SBNO1: variants seen among roughly 807,000 people sequenced by gnomAD.
SBNO1 encodes the protein protein strawberry notch homolog 1.
SBNO1 carries 23 observed loss-of-function variants against 173.6 expected under a neutral mutation model. The ratio of observed to expected loss-of-function variants is 0.13; its 90% confidence interval spans 0.10 to 0.19. The LOEUF is 0.19. Among genes scored for constraint, SBNO1 ranks in the 10% least tolerant of loss-of-function variants. SBNO1 has a pLI of 1.00. For synonymous variants in SBNO1, 632 were observed against 571.5 expected, an observed-to-expected ratio of 1.11 and a Z score of -1.51; for missense variants, 1,238 against 1,671.2, an observed-to-expected ratio of 0.74 and a Z score of 4.52.
In SBNO1 at chr12:123,322,005, GGAC is replaced by G. The variant is rs774256055; in HGVS notation, c.2126-276_2126-274del. 1.7e-4 allele frequency among the ~76,000 whole-genome samples: 26 copies of G among 152,232 alleles called. No homozygotes were observed. The East Asian group carries it at 3.7e-3, about 21-fold the overall frequency. ...GTGCACAAGTTTCAAAACATATTCA[GGAC>G]AACAGAGTAAAAGCAGAACCTCTGG... On this transcript the variant is annotated intron_variant, in intron 16 of 31. Transcript: ENST00000602398.
chr12:123,350,546 T>G (rs1873752211), intron 1 of SBNO1, 105 bp from the exon 2 acceptor site: 1 of 912,910 alleles, frequency 1.1e-6, no homozygotes, highest in East Asian at 2.4e-5. Flanking sequence ...ACCCATTCAT[T>G]CAGTATTAAT....
chr12:123,338,920 C>CCA (rs1453834156), intron 5 of SBNO1, among the ~76,000 whole-genome samples: 48 of 19,276 alleles, frequency 2.5e-3, no homozygotes, highest in Non-Finnish European at 0.011. Context: ...ACGCCCCCCC[C>CCA]CCCCTCCCCG....
At chr12:123,307,874 C>T (rs527824954) in intron 28 of SBNO1, among the ~76,000 whole-genome samples, 1 of 152,096 alleles carries the variant, frequency 6.6e-6, no homozygotes, top group Non-Finnish European at 1.5e-5. Context: ...GAGATCGAGG[C>T]CATCCTGGCT....
At chr12:123,313,488 A>G (rs890625423) in intron 24 of SBNO1, 132 bp downstream of exon 24, 6 of 559,128 alleles carry the variant, frequency 1.1e-5, no homozygotes, top group Non-Finnish European at 1.9e-5. Context: ...TGTCCTAGTA[A>G]CCATTAATTT....
chr12:123,307,003 T>A (rs1433934856), intron 28 of SBNO1, among the ~76,000 whole-genome samples: 1 of 115,206 alleles, frequency 8.7e-6, no homozygotes, highest in Non-Finnish European at 1.7e-5. Flanking sequence ...GACAACACAG[T>A]GAGACATCAA....
chr12:123,331,457 G>C, intron 7 of SBNO1, 82 bp from the exon 8 acceptor site: 1 of 1,157,800 alleles, frequency 8.6e-7, no homozygotes, highest in Non-Finnish European at 1.2e-6. Flanking sequence ...TTAGGAGTAG[G>C]AATATGTTAT....
chr12:123,337,212 G>A (rs986006221), intron 5 of SBNO1, among the ~76,000 whole-genome samples: 2 of 152,162 alleles, frequency 1.3e-5, no homozygotes, highest in Non-Finnish European at 2.9e-5. Flanking sequence ...AGTAAACCCA[G>A]ACTGTCCTCG....
intron 1 of SBNO1, among the ~76,000 whole-genome samples, chr12:123,353,703 C>T (rs1044214240): frequency 6.6e-6 from 1 of 152,132 alleles, no homozygotes; most frequent in African/African-American, 2.4e-5. Flanking sequence ...GTACCTAGAG[C>T]TCTAAATCAA....
At chr12:123,338,887 CA>C (rs1872181262) in intron 5 of SBNO1, among the ~76,000 whole-genome samples, 1 of 7,636 alleles carries the variant, frequency 1.3e-4, no homozygotes, top group African/African-American at 9.5e-4. Flanking sequence ...CACACACACA[CA>C]CCCCGACACA....
At chr12:123,305,186 G>T (rs1320377371) in intron 28 of SBNO1, among the ~76,000 whole-genome samples, 1 of 152,174 alleles carries the variant, frequency 6.6e-6, no homozygotes, top group East Asian at 1.9e-4. Context: ...AATGGAAAAA[G>T]AAATGTTACT....
intron 30 of SBNO1, among the ~76,000 whole-genome samples, chr12:123,301,253 C>T (rs1162277721): frequency 6.6e-6 from 1 of 152,122 alleles, no homozygotes; most frequent in African/African-American, 2.4e-5. Flanking sequence ...TGTGATCCAT[C>T]TCGACCTCTC....
intron 1 of SBNO1, among the ~76,000 whole-genome samples, chr12:123,362,305 G>C (rs542281621): frequency 4.5e-4 from 68 of 151,094 alleles, no homozygotes; most frequent in African/African-American, 1.5e-3. Context: ...GCGTGGCAGC[G>C]GGCACCTGTA....
chr12:123,310,240 T>C (rs2049018642), intron 25 of SBNO1, among the ~76,000 whole-genome samples: 1 of 152,162 alleles, frequency 6.6e-6, no homozygotes, highest in Non-Finnish European at 1.5e-5. Context: ...TCGTTTTGTT[T>C]TGTTTCTTGA....
In SBNO1 at chr12:123,328,723, A is replaced by T. The variant is rs374863671; in HGVS notation, c.1296+11T>A. 1.1e-5 allele frequency: 17 copies of T among 1,503,106 alleles called. No individual in the cohort carries two copies. Among genetic ancestry groups the T allele is most frequent in the Non-Finnish European group, 1.4e-5 (16 of 1,118,170 alleles). 93.1% of individuals were successfully genotyped at this position (1,503,106 alleles called of 1,614,324 possible). ...GTTAAAAAATAGAAAAATATTTGCC[A>T]TAAAGGATACCACTCCATCGAAGTC... On this transcript the variant is annotated intron_variant, in intron 10 of 31. Transcript: ENST00000602398.
At position 123,297,989 on chromosome 12, in the gene SBNO1, T is replaced by C; in HGVS notation, c.4028A>G (p.Gln1343Arg). The C allele has an allele frequency of 6.2e-7, 1 of 1,613,644 alleles. No homozygotes were observed. Among genetic ancestry groups the C allele is most frequent in the Non-Finnish European group, 8.5e-7 (1 of 1,179,888 alleles). ...QIVRLRTEDG[Q>R]RIVGLIIPAN... ...AAAATTAGACTCACCTACAATCCGT[T>C]GCCCATCTTCCGTTCTTAGCCGCAC... The change falls in exon 31 of 32, where the codon CAA becomes CGA. Residue 1343 changes from glutamine (Q) to arginine (R), a missense_variant. Gln to Arg is a conservative substitution (Grantham distance 43). This residue lies in a region of SBNO1 where 351 missense variants were observed against 420.3 expected (regional missense o/e 0.84). Coordinates refer to ENST00000602398, the MANE Select transcript of SBNO1 (RefSeq NM_001167856.3).
chr12:123,353,552 A>G (rs1294807927), intron 1 of SBNO1, among the ~76,000 whole-genome samples: 1 of 152,188 alleles, frequency 6.6e-6, no homozygotes, highest in Admixed American at 6.6e-5. Flanking sequence ...TTAACAGGAG[A>G]AATGTCCCAA....
Position 123,289,664 on chromosome 12 carries a change from C to T in SBNO1, c.*6244G>A, listed in dbSNP as rs1020650015. ...CAGAGATACAGTGTACCTCTTCCCA[C>T]CTCTCATGGATGATGGAAGATACAA... On this transcript the variant is annotated 3_prime_UTR_variant, in exon 32 of 32. Coordinates refer to ENST00000602398, the MANE Select transcript of SBNO1 (RefSeq NM_001167856.3). 1 of 152,216 alleles carries T rather than the reference C, an allele frequency of 6.6e-6. No homozygotes were observed. The highest frequency in any genetic ancestry group is 1.5e-5 in the Non-Finnish European group (1 of 68,038). 9.4% of individuals were successfully genotyped at this position (152,216 alleles called of 1,614,324 possible). A position where few individuals can be genotyped will look rare whatever the true frequency, so the allele number is the denominator to read the frequency against.
intron 28 of SBNO1, among the ~76,000 whole-genome samples, chr12:123,305,719 C>T (rs981390826): frequency 7.9e-5 from 12 of 152,148 alleles, no homozygotes; most frequent in Middle Eastern, 3.4e-3. Context: ...GTGATCCACC[C>T]GCCCCGGCCT....
At chr12:123,306,250 T>C (rs777804630) in intron 28 of SBNO1, among the ~76,000 whole-genome samples, 6 of 152,230 alleles carry the variant, frequency 3.9e-5, no homozygotes, top group Non-Finnish European at 8.8e-5. Flanking sequence ...GGGCTCTGTC[T>C]TGACAGTGTC....
Sources: allele counts gnomAD v4.1 joint callset (sites outside exome capture counted in the v4.1 genomes callset), GRCh38; gene constraint gnomAD v4.1.1; regional missense constraint gnomAD v4.1.1; transcripts MANE v1.5; gene names NCBI Gene and HGNC (gene_info 2026-07-23, HGNC 2026-07-21).